The following TSGA10 variants were observed in gnomAD, a reference collection of about 807,000 sequenced individuals.
TSGA10 encodes testis-specific gene 10 protein.
TSGA10 carries 43 observed loss-of-function variants against 96.6 expected under a neutral mutation model. The observed-to-expected ratio is 0.44, with a 90% CI of 0.35 to 0.57. TSGA10 has a LOEUF of 0.57. Ranked by LOEUF, TSGA10 falls within the 20% of genes least tolerant of loss-of-function variation. The probability of loss-of-function intolerance (pLI) is 0.01; values close to 1 mark genes in which losing one functional copy is unlikely to be tolerated. For missense variants in TSGA10, 703 were observed against 834.4 expected (o/e 0.84, Z 1.94); for synonymous variants, 229 against 269.9 (o/e 0.85, Z 1.48).
chr2:99,026,898 A>G (rs1386648414), intron 17 of TSGA10, among the ~76,000 whole-genome samples: 1 of 152,216 alleles, frequency 6.6e-6, no homozygotes, highest in East Asian at 1.9e-4. Context: ...CATGGAAGAC[A>G]ATTTTTCCAT....
Position 99,105,340 on chromosome 2 carries a change from TC to T in TSGA10, c.459+18del. The T allele has an allele frequency of 1.9e-6, 3 of 1,549,866 alleles. No individual in the cohort carries two copies. Among genetic ancestry groups the T allele is most frequent in the African/African-American group, 1.4e-5 (1 of 72,324 alleles). On this transcript the variant is annotated intron_variant, in intron 9 of 20. Coordinates refer to ENST00000393483, the MANE Select transcript of TSGA10 (RefSeq NM_025244.4). ...AGTGTTTATAGCCAAAAGAGACTTT[TC>T]TTTTTTTTTTTTTTTACATTATGAA...
intron 1 of TSGA10, among the ~76,000 whole-genome samples, chr2:99,129,011 G>A (rs1483175379): frequency 6.6e-6 from 1 of 152,116 alleles, no homozygotes; most frequent in Admixed American, 6.5e-5. Flanking sequence ...GTCTCCCTGG[G>A]ATTACAGGCA....
intron 16 of TSGA10, among the ~76,000 whole-genome samples, chr2:99,059,257 TA>T (rs567686460): frequency 2.8e-4 from 43 of 151,558 alleles, no homozygotes; most frequent in Non-Finnish European, 5.9e-4. Context: ...TTTAACAAAC[TA>T]AAAAATTAAA....
At chr2:99,026,433 T>C (rs1031935484) in intron 17 of TSGA10, among the ~76,000 whole-genome samples, 9 of 151,978 alleles carry the variant, frequency 5.9e-5, no homozygotes, top group African/African-American at 1.7e-4. Context: ...TTTTTTTTTA[T>C]TTTTGAGATG....
At chr2:99,034,237 A>G (rs959826870) in intron 17 of TSGA10, among the ~76,000 whole-genome samples, 2 of 151,864 alleles carry the variant, frequency 1.3e-5, no homozygotes, top group African/African-American at 2.4e-5. Context: ...ATACTGTCTT[A>G]CTAAAAATAC....
intron 1 of TSGA10, chr2:99,150,729 T>C (rs368624669): frequency 4.3e-6 from 7 of 1,614,062 alleles, no homozygotes; most frequent in Non-Finnish European, 5.9e-6. Context: ...AAGAAAACTT[T>C]ACAAGGATTG....
intron 10 of TSGA10, among the ~76,000 whole-genome samples, chr2:99,090,992 A>G (rs1379689504): frequency 6.6e-6 from 1 of 152,202 alleles, no homozygotes; most frequent in East Asian, 1.9e-4. Flanking sequence ...TAAAGGCAAG[A>G]CAAAGAAAAG....
intron 16 of TSGA10, among the ~76,000 whole-genome samples, chr2:99,045,679 C>T (rs1487410249): frequency 2.0e-5 from 3 of 152,120 alleles, no homozygotes; most frequent in African/African-American, 4.8e-5. Flanking sequence ...CATCAACTAA[C>T]GAGCAAAATA....
At chr2:99,076,395 T>C (rs2086702080) in intron 12 of TSGA10, among the ~76,000 whole-genome samples, 1 of 148,924 alleles carries the variant, frequency 6.7e-6, no homozygotes, top group Non-Finnish European at 1.5e-5. Flanking sequence ...ATATTTGTTA[T>C]AAAATAAAGA....
At chr2:99,024,872 C>T (rs751074147) in intron 17 of TSGA10, among the ~76,000 whole-genome samples, 1 of 152,064 alleles carries the variant, frequency 6.6e-6, no homozygotes, top group Non-Finnish European at 1.5e-5. Flanking sequence ...TTGCCAAATG[C>T]TTTTTCTGCA....
chr2:99,154,254 AGTTT>A, intron 1 of TSGA10: 1 of 152,396 alleles, frequency 6.6e-6, no homozygotes, highest in Middle Eastern at 3.4e-3. Context: ...TATTTGAGGC[AGTTT>A]GTTATGCAGC....
At chr2:99,032,123 G>A (rs1010400569) in intron 17 of TSGA10, among the ~76,000 whole-genome samples, 8 of 152,108 alleles carry the variant, frequency 5.3e-5, no homozygotes, top group African/African-American at 1.7e-4. Flanking sequence ...CAGGCTTTAA[G>A]TCAGAATCTG....
intron 10 of TSGA10, among the ~76,000 whole-genome samples, chr2:99,093,037 CA>C (rs1305078168): frequency 2.0e-5 from 3 of 152,032 alleles, no homozygotes; most frequent in Non-Finnish European, 4.4e-5. Context: ...AACAGCATAT[CA>C]AAAAGATAAT....
At chr2:99,013,583 C>T (rs528867895) in intron 20 of TSGA10, among the ~76,000 whole-genome samples, 5 of 151,716 alleles carry the variant, frequency 3.3e-5, no homozygotes, top group Middle Eastern at 3.4e-3. Flanking sequence ...CGCCTGCCTC[C>T]GCCCCCCAAA....
chr2:99,141,143 C>G, intron 1 of TSGA10: 1 of 1,272,698 alleles, frequency 7.9e-7, no homozygotes, highest in Non-Finnish European at 1.0e-6. Flanking sequence ...AGCTCATCCC[C>G]GCGACTGTCA....
chr2:99,019,970 G>T (rs1367272341), intron 18 of TSGA10, among the ~76,000 whole-genome samples: 1 of 152,124 alleles, frequency 6.6e-6, no homozygotes, highest in African/African-American at 2.4e-5. Context: ...GTCTAAATAT[G>T]AAAATTCTTC....
At chr2:99,098,707 C>T (rs1052406119) in intron 10 of TSGA10, among the ~76,000 whole-genome samples, 2 of 151,986 alleles carry the variant, frequency 1.3e-5, no homozygotes, top group African/African-American at 4.8e-5. Flanking sequence ...ACTACAGACT[C>T]TATGTACATT....
At chr2:99,030,941 T>A (rs2081073416) in intron 17 of TSGA10, among the ~76,000 whole-genome samples, 1 of 152,038 alleles carries the variant, frequency 6.6e-6, no homozygotes, top group African/African-American at 2.4e-5. Context: ...GCAATTTTAA[T>A]GCAATTCCTA....
Position 99,111,523 on chromosome 2 carries a change from C to G in TSGA10, c.-139-608G>C, listed in dbSNP as rs190058531. ...GTATTTTGCAATTCATCAACCTTTC[C>G]CTCATTATTCTAAACTGCATCCTGA... On this transcript the variant is annotated intron_variant, in intron 4 of 20. Coordinates refer to ENST00000393483, the MANE Select transcript of TSGA10 (RefSeq NM_025244.4). Among the ~76,000 whole-genome samples the G allele has an allele frequency of 2.0e-3, 298 of 152,176 alleles. 1 individual carries two copies. Among genetic ancestry groups the G allele is most frequent in the Middle Eastern group, 0.01 (3 of 294 alleles).
Sources: allele counts gnomAD v4.1 joint callset (sites outside exome capture counted in the v4.1 genomes callset), GRCh38; gene constraint gnomAD v4.1.1; transcripts MANE v1.5; gene names NCBI Gene and HGNC (gene_info 2026-07-23, HGNC 2026-07-21).